TAF4B: variants seen among roughly 807,000 people sequenced by gnomAD.
TAF4B encodes the protein transcription initiation factor TFIID subunit 4B.
A neutral mutation model predicts 86.4 loss-of-function variants in TAF4B; 38 were observed. The observed-to-expected ratio is 0.44, with a 90% CI of 0.34 to 0.58. The LOEUF (loss-of-function observed/expected upper bound fraction) is 0.58. TAF4B is among the 20% of genes least tolerant of loss of function. The pLI, the probability that TAF4B is intolerant of heterozygous loss-of-function variation, is 0.02. For synonymous variants in TAF4B, 388 were observed against 391.2 expected, an observed-to-expected ratio of 0.99 and a Z score of 0.10; for missense variants, 988 against 1,027.6, an observed-to-expected ratio of 0.96 and a Z score of 0.53.
chr18:26,274,917 A>AT lies in TAF4B; in HGVS notation c.760-10dup. ...AACACTTGTGTTTGCTTATATTTAC[A>AT]TTTTCATATTTAGACAATGCTAGAA... On this transcript the variant is annotated splice_polypyrimidine_tract_variant and intron_variant, in intron 4 of 14. Transcript: ENST00000269142. 1 of 1,611,776 alleles carries AT rather than the reference A, an allele frequency of 6.2e-7. No homozygotes were observed. Among genetic ancestry groups the AT allele is most frequent in the Non-Finnish European group, 8.5e-7 (1 of 1,179,332 alleles).
rs892697795 is a variant in TAF4B at position 26,227,157 on chromosome 18, C to G, written c.224C>G (p.Pro75Arg). 6.2e-7 allele frequency: 1 copy of G among 1,614,000 alleles called. No individual in the cohort carries two copies. The highest frequency in any genetic ancestry group is 8.5e-7 in the Non-Finnish European group (1 of 1,180,016). ...GGGACCCTGGTGACCAAAGTGGCTC[C>G]GGTCAGCGCCCCTCCTAAAGTCAGC... is the stretch of plus-strand genomic sequence containing the variant. ...PVGTLVTKVA[P>R]VSAPPKVSSG... The change falls in exon 1 of 15, where the codon CCG (proline) becomes CGG (arginine). Residue 75 changes from proline (P) to arginine (R), a missense_variant. Physicochemically the swap from Pro to Arg is moderately radical, Grantham distance 103. Transcript: ENST00000269142.
At chr18:26,252,177 G>A (rs944842182) in intron 1 of TAF4B, among the ~76,000 whole-genome samples, 2 of 152,172 alleles carry the variant, frequency 1.3e-5, no homozygotes, top group African/African-American at 4.8e-5. Flanking sequence ...CATGTTGAAA[G>A]TAATTAAAGT....
chr18:26,352,817 T>G (rs181101301), intron 13 of TAF4B, among the ~76,000 whole-genome samples: 1 of 152,320 alleles, frequency 6.6e-6, no homozygotes, highest in Admixed American at 6.5e-5. Flanking sequence ...GTTTGGCAAC[T>G]TAGATAGATT....
chr18:26,246,657 C>A (rs1258027676), intron 1 of TAF4B, among the ~76,000 whole-genome samples: 1 of 151,884 alleles, frequency 6.6e-6, no homozygotes, highest in African/African-American at 2.4e-5. Context: ...CCTCAGCCTC[C>A]CAAGTAGCTG....
intron 9 of TAF4B, among the ~76,000 whole-genome samples, chr18:26,313,043 T>C (rs2056868338): frequency 6.6e-6 from 1 of 152,198 alleles, no homozygotes; most frequent in South Asian, 2.1e-4. Context: ...CTTATGTATC[T>C]TTCCAAAAAT....
chr18:26,307,920 A>G (rs2056812497), intron 9 of TAF4B, among the ~76,000 whole-genome samples: 1 of 151,922 alleles, frequency 6.6e-6, no homozygotes, highest in African/African-American at 2.4e-5. Flanking sequence ...GACCAGCCTG[A>G]CCAACGTGGC....
intron 9 of TAF4B, among the ~76,000 whole-genome samples, chr18:26,300,733 A>G (rs1253900348): frequency 6.6e-6 from 1 of 152,122 alleles, no homozygotes; most frequent in Non-Finnish European, 1.5e-5. Flanking sequence ...TTTGTTGTCT[A>G]CATCAGTTTG....
At chr18:26,324,579 C>T (rs912532089) in intron 11 of TAF4B, among the ~76,000 whole-genome samples, 5 of 152,176 alleles carry the variant, frequency 3.3e-5, no homozygotes, top group African/African-American at 1.2e-4. Flanking sequence ...TAGCGTATTT[C>T]CAAACATTTA....
At chr18:26,332,618 C>T (rs534058415) in intron 12 of TAF4B, among the ~76,000 whole-genome samples, 34 of 152,240 alleles carry the variant, frequency 2.2e-4, no homozygotes, top group African/African-American at 8.2e-4. Context: ...CAACTTCCGC[C>T]TCCCAAGTTC....
chr18:26,230,906 A>G (rs916190573), intron 1 of TAF4B, among the ~76,000 whole-genome samples: 4 of 152,064 alleles, frequency 2.6e-5, no homozygotes, highest in African/African-American at 4.8e-5. Context: ...GTCATCACAC[A>G]TATCAGTGTG....
chr18:26,322,693 C>T (rs2056972691), intron 11 of TAF4B, among the ~76,000 whole-genome samples: 1 of 151,910 alleles, frequency 6.6e-6, no homozygotes, highest in Non-Finnish European at 1.5e-5. Context: ...AAATAACCAA[C>T]TTTTGGTTTT....
intron 14 of TAF4B, among the ~76,000 whole-genome samples, chr18:26,378,494 A>G (rs866718025): frequency 2.0e-5 from 3 of 152,138 alleles, no homozygotes; most frequent in African/African-American, 7.2e-5. Flanking sequence ...GATCATAAGA[A>G]AGAGTAACCA....
intron 14 of TAF4B, among the ~76,000 whole-genome samples, chr18:26,363,706 T>G (rs555576192): frequency 2.0e-5 from 3 of 152,246 alleles, no homozygotes; most frequent in Admixed American, 6.5e-5. Context: ...TATGAAACCA[T>G]TTTTACTTTC....
intron 1 of TAF4B, among the ~76,000 whole-genome samples, chr18:26,257,123 C>G (rs2056096701): frequency 6.6e-6 from 1 of 152,100 alleles, no homozygotes. Context: ...ATAGTTTTTT[C>G]AAGTGGTTGA....
chr18:26,309,888 G>C (rs1416335241), intron 9 of TAF4B, among the ~76,000 whole-genome samples: 2 of 152,090 alleles, frequency 1.3e-5, no homozygotes, highest in African/African-American at 4.8e-5. Flanking sequence ...GAGTGCAGTG[G>C]CGCGATCTCA....
At chr18:26,381,452 C>T (rs992978449) in intron 14 of TAF4B, among the ~76,000 whole-genome samples, 8 of 151,912 alleles carry the variant, frequency 5.3e-5, no homozygotes, top group African/African-American at 1.9e-4. Context: ...TTTGGCTGGG[C>T]GCGGTAGCTC....
chr18:26,243,152 T>A (rs1598716127), intron 1 of TAF4B, among the ~76,000 whole-genome samples: 1 of 152,344 alleles, frequency 6.6e-6, no homozygotes, highest in East Asian at 1.9e-4. Context: ...TTGGGGAAGT[T>A]CTCCTGGTTA....
intron 14 of TAF4B, among the ~76,000 whole-genome samples, chr18:26,388,539 G>T: frequency 6.6e-6 from 1 of 152,316 alleles, no homozygotes; most frequent in Middle Eastern, 3.4e-3. Flanking sequence ...ATAGTACAAC[G>T]TAAGGTAATT....
intron 13 of TAF4B, among the ~76,000 whole-genome samples, chr18:26,337,778 G>A (rs1017785506): frequency 9.2e-5 from 14 of 152,092 alleles, no homozygotes; most frequent in Non-Finnish European, 1.8e-4. Context: ...TGTGAGGTTA[G>A]CATTTAGGAT....
Sources: gnomAD v4.1 joint callset for allele counts (sites outside exome capture counted in the v4.1 genomes callset) on GRCh38, gnomAD v4.1.1 for gene constraint, MANE v1.5 for transcripts, NCBI Gene and HGNC (gene_info 2026-07-23, HGNC 2026-07-21) for gene names.